TIAM1: variants seen among roughly 807,000 people sequenced by gnomAD.
The protein encoded by TIAM1 is TIAM Rac1 associated GEF 1.
A neutral mutation model predicts 163.5 loss-of-function variants in TIAM1; 65 were observed. That is an observed-to-expected ratio of 0.40 (90% CI 0.33 to 0.49). The LOEUF is 0.49. Ranked by LOEUF, TIAM1 falls within the 20% of genes least tolerant of loss-of-function variation. The pLI, the probability that TIAM1 is intolerant of heterozygous loss-of-function variation, is 0.77. For synonymous variants in TIAM1, 833 were observed against 810.1 expected (o/e 1.03, Z -0.48); for missense variants, 1,789 against 2,044.7 (o/e 0.87, Z 2.41).
chr21:31,181,304 G>A (rs186323566), intron 15 of TIAM1, among the ~76,000 whole-genome samples: 2 of 152,242 alleles, frequency 1.3e-5, no homozygotes, highest in Non-Finnish European at 2.9e-5. Context: ...AACACATTTA[G>A]GCGAAAAGAG....
chr21:31,511,254 G>GA (rs1381502654), intron 1 of TIAM1, among the ~76,000 whole-genome samples: 1 of 152,246 alleles, frequency 6.6e-6, no homozygotes, highest in Non-Finnish European at 1.5e-5. Flanking sequence ...AAACCAGGGT[G>GA]AGCAGTTGGC....
intron 20 of TIAM1, among the ~76,000 whole-genome samples, chr21:31,146,413 A>G (rs1383185745): frequency 2.6e-5 from 4 of 151,128 alleles, no homozygotes; most frequent in Non-Finnish European, 5.9e-5. Context: ...CAAAAAAAAA[A>G]AAAAAAAAAA....
chr21:31,182,351 G>T (rs971147417), intron 15 of TIAM1, 70 bp downstream of exon 15: 5 of 1,322,368 alleles, frequency 3.8e-6, no homozygotes, highest in Non-Finnish European at 5.0e-6. Flanking sequence ...CACACAAGCC[G>T]CATGATAAAC....
intron 19 of TIAM1, 110 bp downstream of exon 19, chr21:31,152,526 T>C (rs2083426182): frequency 5.5e-6 from 8 of 1,458,946 alleles, no homozygotes; most frequent in Non-Finnish European, 7.5e-6. Flanking sequence ...TCAGACACCC[T>C]TAGGAACAGA....
At chr21:31,306,114 T>A (rs1464187668) in intron 2 of TIAM1, among the ~76,000 whole-genome samples, 1 of 111,094 alleles carries the variant, frequency 9.0e-6, no homozygotes, top group Non-Finnish European at 1.9e-5. Flanking sequence ...CAAGACCTCA[T>A]CTCTACAAAA....
chr21:31,248,908 G>A (rs754201943), intron 5 of TIAM1, among the ~76,000 whole-genome samples: 1 of 151,960 alleles, frequency 6.6e-6, no homozygotes, highest in Non-Finnish European at 1.5e-5. Context: ...GACTTCCTGT[G>A]TCATTTACTC....
At chr21:31,518,740 C>T (rs1282397800) in intron 1 of TIAM1, among the ~76,000 whole-genome samples, 1 of 152,158 alleles carries the variant, frequency 6.6e-6, no homozygotes, top group Non-Finnish European at 1.5e-5. Flanking sequence ...GGGGTGGCAG[C>T]TCACATCATG....
At chr21:31,452,894 T>C (rs2044923297) in intron 2 of TIAM1, 3 of 517,688 alleles carry the variant, frequency 5.8e-6, no homozygotes, top group East Asian at 5.5e-5. Flanking sequence ...GGTATGACGA[T>C]GTCCTGAAGA....
At chr21:31,545,396 G>T (rs2048455037) in intron 1 of TIAM1, among the ~76,000 whole-genome samples, 1 of 152,148 alleles carries the variant, frequency 6.6e-6, no homozygotes, top group Admixed American at 6.5e-5. Flanking sequence ...AACTTCTGTT[G>T]TCTTAAGTCA....
chr21:31,438,200 T>C lies in TIAM1; in HGVS notation c.-369+25783A>G, dbSNP rs2044284204. ...TGATCTTTTTTTTTTTTTTTTTTTT[T>C]TTTTTTTTTGAGACAGAGTCTCACT... On this transcript the variant is annotated intron_variant, in intron 2 of 28. Coordinates refer to the TIAM1 transcript ENST00000286827. 3.9e-5 allele frequency among the ~76,000 whole-genome samples: 5 copies of C among 128,000 alleles called. No individual in the cohort carries two copies. The South Asian group carries it at 1.0e-3, about 27-fold the overall frequency. 84.0% of individuals were successfully genotyped at this position (128,000 alleles called of 152,430 possible). A position where few individuals can be genotyped will look rare whatever the true frequency, so the allele number is the denominator to read the frequency against.
intron 1 of TIAM1, among the ~76,000 whole-genome samples, chr21:31,529,734 T>C (rs769954041): frequency 2.0e-4 from 31 of 151,990 alleles, no homozygotes; most frequent in Non-Finnish European, 2.5e-4. Flanking sequence ...CAGACATGTG[T>C]TTATAAACTT....
At chr21:31,311,864 T>C (rs2074943471) in intron 2 of TIAM1, among the ~76,000 whole-genome samples, 2 of 152,200 alleles carry the variant, frequency 1.3e-5, no homozygotes, top group African/African-American at 4.8e-5. Context: ...CCACCCTCAA[T>C]CTGGGTGGGC....
At chr21:31,127,594 T>C (rs908135798) in intron 25 of TIAM1, among the ~76,000 whole-genome samples, 1 of 151,994 alleles carries the variant, frequency 6.6e-6, no homozygotes, top group Non-Finnish European at 1.5e-5. Flanking sequence ...ATTTTTGTAT[T>C]TTTGGTAGAG....
intron 12 of TIAM1, among the ~76,000 whole-genome samples, chr21:31,196,010 C>G (rs7282850): frequency 0.18 from 26,661 of 151,994 alleles, 3,420 homozygotes; most frequent in East Asian, 0.4. Context: ...GAAAATATTT[C>G]CAAACTGTGC....
intron 2 of TIAM1, among the ~76,000 whole-genome samples, chr21:31,365,387 C>CTTTTTTTT (rs772457613): frequency 7.8e-6 from 1 of 128,828 alleles, no homozygotes; most frequent in African/African-American, 2.9e-5. Context: ...TTATTTCTTT[C>CTTTTTTTT]TTTTTTTTTT....
intron 8 of TIAM1, among the ~76,000 whole-genome samples, chr21:31,218,609 A>G (rs191785216): frequency 6.6e-6 from 1 of 151,866 alleles, no homozygotes; most frequent in African/African-American, 2.4e-5. Flanking sequence ...TATGTAAGTG[A>G]GCATGCAGCC....
intron 1 of TIAM1, among the ~76,000 whole-genome samples, chr21:31,464,940 G>A (rs1256992903): frequency 1.3e-5 from 2 of 152,002 alleles, no homozygotes; most frequent in Non-Finnish European, 2.9e-5. Context: ...AACCCAGGAG[G>A]CGGAGGTTGC....
chr21:31,414,159 T>C (rs187998259), intron 2 of TIAM1, among the ~76,000 whole-genome samples: 38 of 152,268 alleles, frequency 2.5e-4, no homozygotes, highest in Non-Finnish European at 3.8e-4. Flanking sequence ...AGAAAAATCT[T>C]TGGCAAGCCT....
chr21:31,154,340 C>G lies in TIAM1; in HGVS notation c.3078G>C (p.Gly1026=). The G allele has an allele frequency of 6.2e-7, 1 of 1,614,126 alleles. No homozygotes were observed. The highest frequency in any genetic ancestry group is 8.5e-7 in the Non-Finnish European group (1 of 1,180,022). The part of the protein sequence containing the change: ...DQSPSPQDST[G]PQLATMRQLS... ...GTTGTCTCATGGTCGCCAGCTGAGG[C>G]CCCGTGGAGTCCTGAGGAGATGGGC... The change falls in exon 17 of 28, where the codon GGG becomes GGC. Residue 1026 remains glycine, a synonymous_variant. Transcript: ENST00000541036.
Sources: gnomAD v4.1 joint callset for allele counts (sites outside exome capture counted in the v4.1 genomes callset) on GRCh38, gnomAD v4.1.1 for gene constraint, MANE v1.5 for transcripts, NCBI Gene and HGNC (gene_info 2026-07-23, HGNC 2026-07-21) for gene names.